Variants in MYH16 observed in about 807,000 individuals in gnomAD.
MYH16 encodes myosin heavy chain 16.
intron 33 of MYH16, among the ~76,000 whole-genome samples, chr7:99,295,493 A>C (rs904338239): frequency 2.0e-5 from 3 of 152,214 alleles, no homozygotes; most frequent in African/African-American, 7.2e-5. Flanking sequence ...TCCCTGGTTC[A>C]AACTGAGTTG....
chr7:99,241,320 C>T (rs1791664580), intron 1 of MYH16, among the ~76,000 whole-genome samples: 1 of 152,126 alleles, frequency 6.6e-6, no homozygotes, highest in Non-Finnish European at 1.5e-5. Flanking sequence ...TGGTGGGTCA[C>T]GCCTGTAATC....
chr7:99,266,487 G>A (rs1791988149), intron 17 of MYH16, among the ~76,000 whole-genome samples: 1 of 152,156 alleles, frequency 6.6e-6, no homozygotes, highest in African/African-American at 2.4e-5. Context: ...CCCAGTTGGG[G>A]ACTTGTGTGT....
chr7:99,285,532 A>C, intron 27 of MYH16, 94 bp downstream of exon 9: 4 of 438,390 alleles, frequency 9.1e-6, no homozygotes, highest in South Asian at 6.5e-5. Context: ...GGAAACCAGT[A>C]GAGAAGGCAG....
chr7:99,294,500 C>CAAAAAAAAAAAAAAAAAAAAAAAAAAA (rs1159682450), intron 33 of MYH16, among the ~76,000 whole-genome samples: 1 of 25,568 alleles, frequency 3.9e-5, no homozygotes, highest in African/African-American at 1.0e-4. Flanking sequence ...GACCCTGTCT[C>CAAAAAAAAAAAAAAAAAAAAAAAAAAA]AAAAAAAAAA....
At chr7:99,259,529 G>A (rs1791913936) in intron 11 of MYH16, among the ~76,000 whole-genome samples, 1 of 151,800 alleles carries the variant, frequency 6.6e-6, no homozygotes, top group African/African-American at 2.4e-5. Context: ...TGCCATCTCA[G>A]CCCACTGCAA....
intron 1 of MYH16, among the ~76,000 whole-genome samples, chr7:99,241,890 T>A (rs1791671791): frequency 6.6e-6 from 1 of 151,566 alleles, no homozygotes; most frequent in South Asian, 2.1e-4. Flanking sequence ...TTGTTTTGTC[T>A]TGCACTATCA....
rs1792453394 is a variant in MYH16, at chr7:99,294,643, G to A, written n.4282+493G>A. Among the ~76,000 whole-genome samples the A allele has an allele frequency of 2.0e-5, 3 of 150,576 alleles. No homozygotes were observed. The South Asian group carries it at 6.3e-4, about 32-fold the overall frequency. On this transcript the variant is annotated intron_variant and non_coding_transcript_variant, in intron 33 of 41. Transcript: ENST00000439784. Reference sequence around the variant, plus strand: ...TACAGTGGCGTGATCTCAGCTCACTGCAACCTCCACCTCCTGGATTCAAGC... The same window carrying A: ...TACAGTGGCGTGATCTCAGCTCACTACAACCTCCACCTCCTGGATTCAAGC...
chr7:99,266,419 A>G (rs1791987634), intron 17 of MYH16, among the ~76,000 whole-genome samples: 1 of 152,202 alleles, frequency 6.6e-6, no homozygotes, highest in Non-Finnish European at 1.5e-5. Context: ...ATAGGGCCAC[A>G]GATTGATGGA....
intron 2 of MYH16, among the ~76,000 whole-genome samples, chr7:99,247,409 A>C (rs1032176874): frequency 6.6e-6 from 1 of 152,240 alleles, no homozygotes; most frequent in African/African-American, 2.4e-5. Flanking sequence ...TCCTGACATC[A>C]GGTGATCCAC....
intron 2 of MYH16, among the ~76,000 whole-genome samples, chr7:99,245,291 T>C (rs1791714949): frequency 6.6e-6 from 1 of 152,198 alleles, no homozygotes; most frequent in Non-Finnish European, 1.5e-5. Flanking sequence ...CCAGTTATGC[T>C]AAGGAGGAGC....
At chr7:99,259,615 C>T (rs981110009) in intron 11 of MYH16, among the ~76,000 whole-genome samples, 9 of 151,596 alleles carry the variant, frequency 5.9e-5, no homozygotes, top group African/African-American at 1.5e-4. Context: ...TGCGCCACCA[C>T]GCTTGGCTAA....
At chr7:99,269,745 T>C (rs960804061) in intron 18 of MYH16, among the ~76,000 whole-genome samples, 7 of 152,194 alleles carry the variant, frequency 4.6e-5, no homozygotes, top group Non-Finnish European at 7.3e-5. Context: ...GTACGTGACA[T>C]TGTCACTGCC....
chr7:99,257,625 G>T (rs1333982421), intron 10 of MYH16, among the ~76,000 whole-genome samples: 1 of 152,160 alleles, frequency 6.6e-6, no homozygotes, highest in East Asian at 1.9e-4. Context: ...GCTTTTTGTT[G>T]TCGTTGTTGT....
chr7:99,277,900 T>C lies in MYH16; in HGVS notation n.2659+188T>C, dbSNP rs1010793696. Among the ~76,000 whole-genome samples the C allele has an allele frequency of 1.1e-4, 15 of 136,418 alleles. No individual in the cohort carries two copies. In the East Asian group the frequency reaches 3.0e-3, roughly 27 times the overall value. The allele number at this position is 136,418 out of a possible 152,430, so 89.5% of individuals were successfully genotyped here. A position where few individuals can be genotyped will look rare whatever the true frequency, so the allele number is the denominator to read the frequency against. ...ATTCGTGTGTGTGTGTGTGTGTGTG[T>C]GTGTGTGTGTGTGTGTGAGAGAGAG... On this transcript the variant is annotated intron_variant and non_coding_transcript_variant, in intron 21 of 41. Transcript: ENST00000439784.
At chr7:99,294,256 T>C in intron 33 of MYH16, 106 bp downstream of exon 14, 1 of 365,566 alleles carries the variant, frequency 2.7e-6, no homozygotes, top group South Asian at 2.1e-5. Flanking sequence ...AAGAAACACA[T>C]GGTTCAAGAA....
intron 2 of MYH16, among the ~76,000 whole-genome samples, chr7:99,246,959 A>G (rs1238547874): frequency 1.3e-5 from 2 of 152,168 alleles, no homozygotes; most frequent in African/African-American, 4.8e-5. Context: ...GATCAAACCC[A>G]TCGTATGTTG....
rs58302898 is a variant in MYH16, at chr7:99,295,870, A to G, written n.4283-831A>G. 7.0e-3 allele frequency among the ~76,000 whole-genome samples: 1,029 copies of G among 147,920 alleles called. 15 individuals carry two copies. The highest frequency in any genetic ancestry group is 0.025 in the African/African-American group (978 of 39,678). On this transcript the variant is annotated intron_variant and non_coding_transcript_variant, in intron 33 of 41. Transcript: ENST00000439784. ...AAAAAAAAAAAAAAAGGCTGGGCAC[A>G]GTGGCTCAAGCCTATAATCTCAGCA...
chr7:99,259,245 C>T (rs972797329), intron 11 of MYH16, among the ~76,000 whole-genome samples: 27 of 152,072 alleles, frequency 1.8e-4, no homozygotes, highest in Admixed American at 5.9e-4. Context: ...CTCAGGCATA[C>T]GGGGGTCAGA....
chr7:99,259,839 G>A (rs1402198331), intron 11 of MYH16, among the ~76,000 whole-genome samples: 1 of 57,586 alleles, frequency 1.7e-5, no homozygotes, highest in Admixed American at 2.0e-4. Flanking sequence ...ATATATATAT[G>A]TATGTATGTG....
Sources: gnomAD v4.1 joint callset for allele counts (sites outside exome capture counted in the v4.1 genomes callset) on GRCh38, gnomAD v4.1.1 for gene constraint, MANE v1.5 for transcripts, NCBI Gene and HGNC (gene_info 2026-07-23, HGNC 2026-07-21) for gene names.